TENM3: variants seen among roughly 807,000 people sequenced by gnomAD.
TENM3 encodes teneurin-3.
A neutral mutation model predicts 255.1 loss-of-function variants in TENM3; 63 were observed. The ratio of observed to expected loss-of-function variants is 0.25; its 90% CI spans 0.20 to 0.30. The LOEUF is 0.30. Among genes scored for constraint, TENM3 ranks in the 10% least tolerant of loss-of-function variants. The pLI, the probability that TENM3 is intolerant of heterozygous loss-of-function variation, is 1.00. For synonymous variants in TENM3, 1,306 were observed against 1,322.3 expected, an observed-to-expected ratio of 0.99 and a Z score of 0.27; for missense variants, 2,929 against 3,461.1, an observed-to-expected ratio of 0.85 and a Z score of 3.86.
the TENM3 span, among the ~76,000 whole-genome samples, chr4:181,788,960 T>A: frequency 1.7e-4 from 26 of 152,158 alleles, 1 homozygote; most frequent in Admixed American, 1.7e-3. Flanking sequence ...AGCCACCAGC[T>A]CCATTTCTGG....
intron 16 of TENM3, among the ~76,000 whole-genome samples, chr4:182,733,839 C>T (rs1347151744): frequency 2.0e-5 from 3 of 152,142 alleles, no homozygotes; most frequent in Admixed American, 6.5e-5. Flanking sequence ...CTCTAAACTT[C>T]GTAGTCAGTC....
chr4:182,769,636 A>T (rs1021725461), intron 22 of TENM3, among the ~76,000 whole-genome samples: 2 of 151,816 alleles, frequency 1.3e-5, no homozygotes, highest in East Asian at 1.9e-4. Flanking sequence ...ACACAAAAAA[A>T]TTACAGAAAC....
In TENM3 at chr4:182,793,522, A is replaced by T. The variant is rs1007141089; in HGVS notation, c.6850A>T (p.Met2284Leu). 3.7e-6 allele frequency: 6 copies of T among 1,613,892 alleles called. No homozygotes were observed. Among genetic ancestry groups the T allele is most frequent in the African/African-American group, 1.3e-5 (1 of 74,936 alleles). The change falls in exon 26 of 28, where the codon ATG (methionine) becomes TTG (leucine). Residue 2284 changes from methionine (M) to leucine (L), a missense_variant. Transcript: ENST00000511685. The surrounding 1 kb of genome is among the most constrained non-coding windows in gnomAD (Gnocchi z 5.7). ...TGATCTCCAAGGACATCTTTTTGCCATGGAAATCAGCAGTGGGGATGAATT... is the reference window on the plus strand; with the variant it reads ...TGATCTCCAAGGACATCTTTTTGCCTTGGAAATCAGCAGTGGGGATGAATT... ...YYDLQGHLFA[M>L]EISSGDEFYI... is the part of the protein sequence containing the mutation.
intron 12 of TENM3, among the ~76,000 whole-genome samples, chr4:182,712,504 C>T (rs755385978): frequency 2.6e-5 from 4 of 151,358 alleles, no homozygotes; most frequent in Admixed American, 1.3e-4. Context: ...TAAATACAGA[C>T]GGTAATTGTC....
At chr4:181,836,468 T>C in the TENM3 span, among the ~76,000 whole-genome samples, 1 of 152,196 alleles carries the variant, frequency 6.6e-6, no homozygotes, top group African/African-American at 2.4e-5. Context: ...ATTTTGCATG[T>C]TGTGTATGAG....
At chr4:181,785,643 T>A in the TENM3 span, among the ~76,000 whole-genome samples, 1 of 152,088 alleles carries the variant, frequency 6.6e-6, no homozygotes, top group African/African-American at 2.4e-5. Flanking sequence ...AATTCCTAAT[T>A]TTCAGATTTG....
chr4:182,084,823 A>G, the TENM3 span: 1 of 152,354 alleles, frequency 6.6e-6, no homozygotes, highest in Non-Finnish European at 1.5e-5. Flanking sequence ...TCTTTCATGT[A>G]TAAATCACAA....
the TENM3 span, among the ~76,000 whole-genome samples, chr4:181,454,596 AT>A: frequency 0.15 from 19,663 of 131,256 alleles, 1,558 homozygotes; most frequent in East Asian, 0.35. Flanking sequence ...CAGACGTACA[AT>A]TTTTTTTTTT....
the TENM3 span, among the ~76,000 whole-genome samples, chr4:181,638,871 C>T: frequency 5.9e-5 from 9 of 152,238 alleles, no homozygotes; most frequent in African/African-American, 2.2e-4. Flanking sequence ...TCTAAATTAA[C>T]ACATCCGTGT....
chr4:182,629,249 C>T (rs1338636929), intron 5 of TENM3, among the ~76,000 whole-genome samples: 2 of 152,012 alleles, frequency 1.3e-5, no homozygotes, highest in Non-Finnish European at 2.9e-5. Flanking sequence ...AATGCGTACT[C>T]AATAGGGAGC....
the TENM3 span, among the ~76,000 whole-genome samples, chr4:182,006,260 T>G: frequency 6.6e-6 from 1 of 151,838 alleles, no homozygotes; most frequent in Non-Finnish European, 1.5e-5. Flanking sequence ...GTTTATTGAC[T>G]CCCTCCTTTT....
intron 3 of TENM3, among the ~76,000 whole-genome samples, chr4:182,491,630 G>T (rs926058295): frequency 5.3e-5 from 8 of 152,084 alleles, no homozygotes; most frequent in Non-Finnish European, 4.4e-5. Flanking sequence ...AGTGAAAATT[G>T]CATTTTTTCC....
chr4:181,906,641 G>A, the TENM3 span, among the ~76,000 whole-genome samples: 2 of 152,172 alleles, frequency 1.3e-5, no homozygotes, highest in African/African-American at 4.8e-5. Flanking sequence ...TGCCAATAGG[G>A]CCAAGCCATA....
At chr4:181,495,562 AGAG>A in the TENM3 span, among the ~76,000 whole-genome samples, 1 of 147,346 alleles carries the variant, frequency 6.8e-6, no homozygotes, top group Non-Finnish European at 1.5e-5. Flanking sequence ...TACACGAGAG[AGAG>A]AGAGAGAGAG....
chr4:181,948,560 T>C, the TENM3 span, among the ~76,000 whole-genome samples: 1 of 152,002 alleles, frequency 6.6e-6, no homozygotes, highest in Non-Finnish European at 1.5e-5. Context: ...GGATTACAGG[T>C]GCACGCCACC....
the TENM3 span, among the ~76,000 whole-genome samples, chr4:181,918,413 G>C: frequency 6.6e-6 from 1 of 152,058 alleles, no homozygotes; most frequent in African/African-American, 2.4e-5. Context: ...AGTAAGAAAA[G>C]AATAAATTAA....
At chr4:182,066,333 T>C in the TENM3 span, among the ~76,000 whole-genome samples, 1 of 152,156 alleles carries the variant, frequency 6.6e-6, no homozygotes, top group South Asian at 2.1e-4. Flanking sequence ...TGTTTTCATG[T>C]GTGTAATGTA....
rs946723326 is a variant in TENM3, at chr4:182,714,358, G to T, written c.2368+125G>T. 1.0e-5 allele frequency: 8 copies of T among 782,436 alleles called. No individual in the cohort carries two copies. The Admixed American group carries it at 1.4e-4, about 13-fold the overall frequency. The allele number at this position is 782,436 out of a possible 1,614,324, so 48.5% of individuals were successfully genotyped here. On this transcript the variant is annotated intron_variant, in intron 13 of 27. Coordinates refer to ENST00000511685, the MANE Select transcript of TENM3 (RefSeq NM_001080477.4). ...AAAAAAACCTGATCCCCATCGATTAGATTGATTGAAAAATGTATGAGTGCT... is the reference window on the plus strand; with the variant it reads ...AAAAAAACCTGATCCCCATCGATTATATTGATTGAAAAATGTATGAGTGCT...
At chr4:182,197,102 T>C (rs1253247872) in intron 1 of TENM3, among the ~76,000 whole-genome samples, 1 of 152,246 alleles carries the variant, frequency 6.6e-6, no homozygotes, top group Non-Finnish European at 1.5e-5. Flanking sequence ...CTGGTTCTAC[T>C]GATGACATTA....
Sources: gnomAD v4.1 joint callset for allele counts (sites outside exome capture counted in the v4.1 genomes callset) on GRCh38, gnomAD v4.1.1 for gene constraint, Gnocchi (gnomAD v3.1) non-coding constraint, MANE v1.5 for transcripts, NCBI Gene and HGNC (gene_info 2026-07-23, HGNC 2026-07-21) for gene names.